DDX27: variants seen among roughly 807,000 people sequenced by gnomAD.
DDX27 encodes DEAD-box helicase 27.
Under a neutral mutation model 99.3 loss-of-function variants are expected in DDX27, and 42 were observed. That is an observed-to-expected ratio of 0.42 (90% CI 0.33 to 0.55). DDX27 has a LOEUF of 0.55. Among genes scored for constraint, DDX27 ranks in the 20% least tolerant of loss-of-function variants. The pLI is 0.07. For missense variants in DDX27, 798 were observed against 976.8 expected (o/e 0.82, Z 2.44); for synonymous variants, 329 against 353.8 (o/e 0.93, Z 0.79).
At position 49,233,935 on chromosome 20, in the gene DDX27, A is replaced by G. The variant is rs6019704; in HGVS notation, c.1273+226A>G. ...CTCTTTGTGTCCTGTTCAACTCCCA[A>G]CCACTTGGCATCAGCTGCTGTTGTA... On this transcript the variant is annotated intron_variant, in intron 11 of 20. Coordinates refer to ENST00000618172, the MANE Select transcript of DDX27 (RefSeq NM_017895.8). The G allele has an allele frequency of 2.2e-3, 1,086 of 493,866 alleles. 7 individuals are homozygous for G. Among genetic ancestry groups the G allele is most frequent in the African/African-American group, 0.02 (1,024 of 52,508 alleles). 30.6% of individuals were successfully genotyped at this position (493,866 alleles called of 1,614,324 possible). A position where few individuals can be genotyped will look rare whatever the true frequency, so the allele number is the denominator to read the frequency against.
At chr20:49,243,524 C>A in intron 19 of DDX27, 105 bp from the exon 20 acceptor site, 1 of 978,254 alleles carries the variant, frequency 1.0e-6, no homozygotes, top group Non-Finnish European at 1.6e-6. Flanking sequence ...AATGATGCAT[C>A]CCAGAGATGC....
At chr20:49,243,131 C>T (rs1178409392) in intron 19 of DDX27, among the ~76,000 whole-genome samples, 1 of 152,126 alleles carries the variant, frequency 6.6e-6, no homozygotes, top group African/African-American at 2.4e-5. Context: ...TGTCTGTTCT[C>T]CACCCCCCAC....
In DDX27 at chr20:49,242,078, C is replaced by A. The variant is rs776314534; in HGVS notation, c.1993-5C>A. The A allele has an allele frequency of 1.2e-6, 2 of 1,614,198 alleles. No individual in the cohort carries two copies. Among genetic ancestry groups the A allele is most frequent in the South Asian group, 1.1e-5 (1 of 91,082 alleles). The stretch of plus-strand genomic sequence containing the variant: ...TCCACACTCACACCTCCCCACTCCC[C>A]CTAGGCAGAGGAAAGGTCTCAGTTT... On this transcript the variant is annotated splice_polypyrimidine_tract_variant and splice_region_variant and intron_variant, in intron 17 of 20. Coordinates refer to ENST00000618172, the MANE Select transcript of DDX27 (RefSeq NM_017895.8).
chr20:49,230,933 C>T lies in DDX27; in HGVS notation c.1031+584C>T, dbSNP rs137987471. 188 of 152,592 alleles carry T rather than the reference C, an allele frequency of 1.2e-3. 1 individual carries two copies. Among genetic ancestry groups the T allele is most frequent in the East Asian group, 7.9e-3 (41 of 5,194 alleles). 9.5% of individuals were successfully genotyped at this position (152,592 alleles called of 1,614,324 possible). ...ATGCTAAGGTTGCAGGCCCTTAATCCCTGACTCTTCACCAGCTTGGGGAAT... is the reference window on the plus strand; with the variant it reads ...ATGCTAAGGTTGCAGGCCCTTAATCTCTGACTCTTCACCAGCTTGGGGAAT... On this transcript the variant is annotated intron_variant, in intron 9 of 20. Transcript: ENST00000618172.
chr20:49,242,450 T>A, intron 18 of DDX27, 144 bp from the exon 19 acceptor site: 9 of 1,027,240 alleles, frequency 8.8e-6, no homozygotes, highest in Non-Finnish European at 1.2e-5. Flanking sequence ...CAGCTGCTAC[T>A]TGGAGGAGCT....
In DDX27 at chr20:49,228,726, G is replaced by T. The variant is rs780574398; in HGVS notation, c.718G>T (p.Ala240Ser). The change falls in exon 8 of 21, where the codon GCC becomes TCC. Residue 240 changes from alanine (A) to serine (S), a missense_variant. By Grantham distance (99) the Ala-to-Ser change is moderately conservative. This residue lies in a region of DDX27 where 553 missense variants were observed against 727.9 expected (regional missense o/e 0.76). Coordinates refer to ENST00000618172, the MANE Select transcript of DDX27 (RefSeq NM_017895.8). ...CAATGTGKTAAFALPVLERLI... is the reference protein window; with the variant it reads ...CAATGTGKTASFALPVLERLI... ...GTCCCTCCCTCCAGGTAAAACTGCC[G>T]CCTTTGCCCTGCCTGTTTTGGAGCG... 1 of 1,599,942 alleles carries T rather than the reference G, an allele frequency of 6.3e-7. No individual in the cohort carries two copies. The highest frequency in any genetic ancestry group is 1.7e-5 in the Admixed American group (1 of 59,272).
intron 2 of DDX27, among the ~76,000 whole-genome samples, chr20:49,222,672 AC>A (rs201819288): frequency 0.015 from 2,318 of 151,896 alleles, 60 homozygotes; most frequent in South Asian, 0.069. Flanking sequence ...GCACCACCAC[AC>A]CCGGCTAATT....
At chr20:49,242,717 CTTTTTTT>C (rs71186444) in intron 19 of DDX27, 36 bp downstream of exon 19, 24 of 1,419,462 alleles carry the variant, frequency 1.7e-5, no homozygotes, top group East Asian at 7.5e-5. Context: ...CCTTGGTATT[CTTTTTTT>C]TTTTTTTTTT....
At chr20:49,237,861 GAC>G (rs906959489) in intron 14 of DDX27, 6 of 152,810 alleles carry the variant, frequency 3.9e-5, no homozygotes, top group African/African-American at 1.4e-4. Flanking sequence ...GGTGAGCAGG[GAC>G]ACACAGAAGA....
chr20:49,229,063 A>C (rs1336143270), intron 8 of DDX27, among the ~76,000 whole-genome samples, 175 bp downstream of exon 8: 4 of 120,990 alleles, frequency 3.3e-5, no homozygotes, highest in African/African-American at 1.3e-4. Context: ...GAGACGGAGG[A>C]GTCTCGCTCT....
Position 49,236,606 on chromosome 20 carries a change from C to A in DDX27, c.1687+96C>A. 1.6e-6 allele frequency: 2 copies of A among 1,257,090 alleles called. No individual in the cohort carries two copies. The highest frequency in any genetic ancestry group is 2.1e-6 in the Non-Finnish European group (2 of 956,906). 77.9% of individuals were successfully genotyped at this position (1,257,090 alleles called of 1,614,324 possible). On this transcript the variant is annotated intron_variant, in intron 14 of 20. Coordinates refer to ENST00000618172, the MANE Select transcript of DDX27 (RefSeq NM_017895.8). The surrounding 1 kb of genome is among the most constrained non-coding windows in gnomAD (Gnocchi z 4.1). The stretch of plus-strand genomic sequence containing the variant: ...GAGCAGGTACTTTGCAGTTCAGAGC[C>A]AGATTTGAATTCCAGCCCTGCTGCT...
intron 6 of DDX27, 49 bp from the exon 7 acceptor site, chr20:49,226,381 T>A: frequency 6.7e-7 from 1 of 1,489,826 alleles, no homozygotes; most frequent in Non-Finnish European, 9.3e-7. Context: ...TGTGTTGTGC[T>A]GAGACTTCCC....
At chr20:49,241,848 A>G in intron 16 of DDX27, 45 bp from the exon 17 acceptor site, 1 of 1,596,232 alleles carries the variant, frequency 6.3e-7, no homozygotes, top group Non-Finnish European at 8.6e-7. Flanking sequence ...AGCTTAAAAA[A>G]AGATAAAATC....
chr20:49,233,959 T>C, intron 11 of DDX27: 1 of 466,380 alleles, frequency 2.1e-6, no homozygotes, highest in South Asian at 2.8e-5. Context: ...GCTGCTGTTG[T>C]ACCCGTCAGT....
intron 4 of DDX27, chr20:49,224,705 A>T (rs1474187216): frequency 1.8e-6 from 1 of 547,634 alleles, no homozygotes; most frequent in Non-Finnish European, 3.3e-6. Context: ...AAGCATCATA[A>T]TACAGTGTAG....
intron 7 of DDX27, among the ~76,000 whole-genome samples, chr20:49,226,813 GT>G (rs2146709388): frequency 7.7e-6 from 1 of 130,288 alleles, no homozygotes; most frequent in South Asian, 2.5e-4. Flanking sequence ...TAAAATTTTT[GT>G]AACACAAAAA....
chr20:49,226,436 A>G lies in DDX27; in HGVS notation c.607A>G (p.Thr203Ala). Residue 203 changes from threonine to alanine, a missense_variant, in exon 7 of 21, where the codon ACA becomes GCA. Transcript: ENST00000618172. ...NLSRPLLKAITAMGFKQPTPI... is the reference protein window; with the variant it reads ...NLSRPLLKAIAAMGFKQPTPI... ...CCAGTTCTTTTTTCCTCAGGCCATT[A>G]CAGCCATGGGCTTCAAGCAGCCCAC... 2 of 1,613,370 alleles carry G rather than the reference A, an allele frequency of 1.2e-6. No homozygotes were observed. The highest frequency in any genetic ancestry group is 1.1e-5 in the South Asian group (1 of 90,994).
intron 16 of DDX27, 137 bp downstream of exon 16, chr20:49,239,475 T>A (rs1422504126): frequency 1.5e-6 from 1 of 660,668 alleles, no homozygotes; most frequent in East Asian, 2.7e-5. Flanking sequence ...TGGAAGACAA[T>A]GTTTCCACAT....
chr20:49,243,593 A>C (rs1461800281), intron 19 of DDX27, 36 bp from the exon 20 acceptor site: 2 of 1,601,040 alleles, frequency 1.2e-6, no homozygotes, highest in Non-Finnish European at 1.7e-6. Flanking sequence ...TTTGTTCAAC[A>C]GTTTGCTCAT....
Sources: allele counts gnomAD v4.1 joint callset (sites outside exome capture counted in the v4.1 genomes callset), GRCh38; gene constraint gnomAD v4.1.1; regional missense constraint gnomAD v4.1.1; non-coding constraint Gnocchi (gnomAD v3.1); transcripts MANE v1.5; gene names NCBI Gene and HGNC (gene_info 2026-07-23, HGNC 2026-07-21).